The following AAAS variants were observed in gnomAD, a reference collection of about 807,000 sequenced individuals.
AAAS encodes aladin.
Under a neutral mutation model 75.6 loss-of-function variants are expected in AAAS, and 60 were observed. The ratio of observed to expected loss-of-function variants is 0.79; its 90% CI spans 0.64 to 0.98. The LOEUF is 0.98. Among genes scored for constraint, AAAS ranks in the 50% least tolerant of loss-of-function variants. AAAS has a pLI of 0.00. For missense variants in AAAS, 658 were observed against 686.9 expected (o/e 0.96, Z 0.47); for synonymous variants, 271 against 265.0 (o/e 1.02, Z -0.22).
intron 7 of AAAS, 91 bp from the exon 8 acceptor site, chr12:53,309,812 T>C (rs1944358109): frequency 1.9e-6 from 3 of 1,550,026 alleles, no homozygotes; most frequent in Non-Finnish European, 2.6e-6. Flanking sequence ...AAACCTCCTA[T>C]CCTGATGGCC....
intron 2 of AAAS, among the ~76,000 whole-genome samples, chr12:53,316,694 G>A (rs1403282242): frequency 6.7e-6 from 1 of 148,236 alleles, no homozygotes; most frequent in East Asian, 2.0e-4. Flanking sequence ...CCGGGAGGTG[G>A]CGATTGCAGT....
Position 53,320,569 on chromosome 12 carries a change from T to C in AAAS, c.247A>G (p.Ile83Val). 6.2e-7 allele frequency: 1 copy of C among 1,613,884 alleles called. No individual in the cohort carries two copies. The highest frequency in any genetic ancestry group is 8.5e-7 in the Non-Finnish European group (1 of 1,179,982). ...REQVWKRCIN[I>V]WRDVGLFGVL... The stretch of plus-strand genomic sequence containing the variant: ...AAACCCTTTGCCATGCCTCACCAAA[T>C]GTTGATGCATCTCTTCCACACTTGC... The change falls in exon 2 of 16, where the codon ATT becomes GTT. Residue 83 changes from isoleucine to valine, a missense_variant. Coordinates refer to ENST00000209873, the MANE Select transcript of AAAS (RefSeq NM_015665.6).
chr12:53,308,543 G>A lies in AAAS; in HGVS notation c.1088-15C>T, dbSNP rs765180773. The stretch of plus-strand genomic sequence containing the variant: ...CTTTCCCTCACCTGTGGACAAATAA[G>A]AGCAGAGAGGTTCTTGCAAGAAACA... On this transcript the variant is annotated splice_polypyrimidine_tract_variant and intron_variant, in intron 11 of 15. Transcript: ENST00000209873. 1 of 1,614,038 alleles carries A rather than the reference G, an allele frequency of 6.2e-7. No individual in the cohort carries two copies. Among genetic ancestry groups the A allele is most frequent in the African/African-American group, 1.3e-5 (1 of 75,028 alleles).
At chr12:53,308,889 G>C in intron 10 of AAAS, 71 bp downstream of exon 10, 1 of 1,613,244 alleles carries the variant, frequency 6.2e-7, no homozygotes, top group South Asian at 1.1e-5. Context: ...GAGGTGGCCA[G>C]GTTTGGGAGC....
At chr12:53,320,512 C>A in intron 2 of AAAS, 53 bp downstream of exon 2, 1 of 1,612,026 alleles carries the variant, frequency 6.2e-7, no homozygotes, top group South Asian at 1.1e-5. Flanking sequence ...GGTGTTGACT[C>A]ATTTTCCAGG....
Position 53,315,578 on chromosome 12 carries a change from A to G in AAAS, c.307+149T>C. On this transcript the variant is annotated intron_variant, in intron 3 of 15. Coordinates refer to ENST00000209873, the MANE Select transcript of AAAS (RefSeq NM_015665.6). ...CACACTCTGGACACCCACTCTGGAC[A>G]CCCACTCTGGGTTATTTGGGTAGGT... is the stretch of plus-strand genomic sequence containing the variant. 3 of 1,218,674 alleles carry G rather than the reference A, an allele frequency of 2.5e-6. No individual in the cohort carries two copies. The South Asian group carries it at 3.9e-5, about 16-fold the overall frequency. The allele number at this position is 1,218,674 out of a possible 1,614,324, so 75.5% of individuals were successfully genotyped here. A position where few individuals can be genotyped will look rare whatever the true frequency, so the allele number is the denominator to read the frequency against.
intron 1 of AAAS, chr12:53,321,101 A>T: frequency 1.6e-6 from 1 of 609,330 alleles, no homozygotes; most frequent in Non-Finnish European, 2.8e-6. Context: ...CACACTCCCT[A>T]GATTCTCCCT....
intron 7 of AAAS, among the ~76,000 whole-genome samples, chr12:53,311,565 G>A (rs1944388839): frequency 6.6e-6 from 1 of 152,116 alleles, no homozygotes; most frequent in Non-Finnish European, 1.5e-5. Context: ...GATTGAGTCT[G>A]TGAATAGCCA....
In AAAS at chr12:53,321,360, G is replaced by A. The variant is rs570362394; in HGVS notation, c.106C>T (p.Pro36Ser). The change falls in exon 1 of 16, where the codon CCC becomes TCC. Residue 36 changes from proline to serine, a missense_variant. Coordinates refer to ENST00000209873, the MANE Select transcript of AAAS (RefSeq NM_015665.6). ...VTGSSYESPP[P>S]DFRGQWINLP... is the part of the protein sequence containing the mutation. Reference sequence around the variant, plus strand: ...CTGGCCACCTGGCCCCGGAAGTCGGGGGGCGGGCTCTCATAGCTACTGCCC... The same window carrying A: ...CTGGCCACCTGGCCCCGGAAGTCGGAGGGCGGGCTCTCATAGCTACTGCCC... 5.2e-5 allele frequency: 84 copies of A among 1,613,902 alleles called. No individual in the cohort carries two copies. Among genetic ancestry groups the A allele is most frequent in the Middle Eastern group, 1.7e-4 (1 of 6,060 alleles).
At position 53,320,682 on chromosome 12, in the gene AAAS, A is replaced by G. The variant is rs1565784761; in HGVS notation, c.134T>C (p.Leu45Pro). The change falls in exon 2 of 16, where the codon CTT becomes CCT. Residue 45 changes from leucine to proline, a missense_variant. Coordinates refer to ENST00000209873, the MANE Select transcript of AAAS (RefSeq NM_015665.6). ...ATCCTTTGTCAGTTGTAGGACAGGAAGATTGATCCACTATAGCACAAAAGT... is the reference window on the plus strand; with the variant it reads ...ATCCTTTGTCAGTTGTAGGACAGGAGGATTGATCCACTATAGCACAAAAGT... ...PPDFRGQWIN[L>P]PVLQLTKDPL... The G allele has an allele frequency of 1.9e-6, 3 of 1,614,102 alleles. No individual in the cohort carries two copies. The highest frequency in any genetic ancestry group is 3.3e-4 in the Middle Eastern group (2 of 6,062).
Position 53,307,475 on chromosome 12 carries a change from A to AAAC in AAAS, c.*11_*13dup. 3 of 1,605,086 alleles carry AAAC rather than the reference A, an allele frequency of 1.9e-6. No individual in the cohort carries two copies. The highest frequency in any genetic ancestry group is 2.6e-6 in the Non-Finnish European group (3 of 1,173,504). On this transcript the variant is annotated 3_prime_UTR_variant, in exon 16 of 16. Transcript: ENST00000209873. ...GGTAACTGAGTGGAAAACAAAAGGAAAACTTATTTATTCTTAGAGGTGGGA... is the reference window on the plus strand; with the variant it reads ...GGTAACTGAGTGGAAAACAAAAGGAAAACAACTTATTTATTCTTAGAGGTGGGA...
rs1040729256 is a variant in AAAS, at chr12:53,315,384, A to G, written c.350T>C (p.Leu117Pro). The G allele has an allele frequency of 6.2e-7, 1 of 1,614,074 alleles. No homozygotes were observed. Reference sequence around the variant, plus strand: ...ATGGAGGGAAGAGGCCCATCGACAGAGTGCCAGGGCCCAGCCGGATGCCGT... The same window carrying G: ...ATGGAGGGAAGAGGCCCATCGACAGGGTGCCAGGGCCCAGCCGGATGCCGT... ...VKTASGWALA[L>P]CRWASSLHGS... The change falls in exon 4 of 16, where the codon CTC becomes CCC. Residue 117 changes from leucine to proline, a missense_variant. By Grantham distance (98) the Leu-to-Pro change is moderately conservative. Transcript: ENST00000209873.
intron 7 of AAAS, among the ~76,000 whole-genome samples, chr12:53,312,565 CAA>C (rs34316735): frequency 6.9e-6 from 1 of 144,516 alleles, no homozygotes. Flanking sequence ...AACTCCTTCT[CAA>C]AAAAAAAAAA....
chr12:53,314,985 G>A, intron 5 of AAAS, 109 bp downstream of exon 5: 1 of 1,490,838 alleles, frequency 6.7e-7, no homozygotes, highest in Non-Finnish European at 9.3e-7. Context: ...GGAGGAATGA[G>A]AATATGGTGA....
intron 7 of AAAS, among the ~76,000 whole-genome samples, chr12:53,312,527 T>C (rs1302968981): frequency 6.7e-6 from 1 of 149,514 alleles, no homozygotes; most frequent in Admixed American, 6.7e-5. Context: ...ATCGTGCCAC[T>C]GCACTCCAGC....
chr12:53,321,480 G>A lies in AAAS; in HGVS notation c.-15C>T. The A allele has an allele frequency of 1.2e-6, 2 of 1,613,884 alleles. No homozygotes were observed. Reference sequence around the variant, plus strand: ...AGAGAGCACATCTTGCCGGTTCGCAGGACGTCTGCAGTCGGCAAACTCCTG... The same window carrying A: ...AGAGAGCACATCTTGCCGGTTCGCAAGACGTCTGCAGTCGGCAAACTCCTG... On this transcript the variant is annotated 5_prime_UTR_variant, in exon 1 of 16. Transcript: ENST00000209873.
chr12:53,312,743 T>C (rs1325265537), intron 7 of AAAS, among the ~76,000 whole-genome samples: 1 of 150,986 alleles, frequency 6.6e-6, no homozygotes, highest in African/African-American at 2.4e-5. Flanking sequence ...AGAGGTTTTC[T>C]TCTTTATTCA....
At position 53,321,592 on chromosome 12, in the gene AAAS, G is replaced by A. The variant is rs1944559825; in HGVS notation, c.-127C>T. On this transcript the variant is annotated 5_prime_UTR_variant, in exon 1 of 16. Transcript: ENST00000209873. Reference sequence around the variant, plus strand: ...GGGTACCGCAAGGGACAAACGGCGAGGCGGAACTCAACGGAAGTGAAGAAA... The same window carrying A: ...GGGTACCGCAAGGGACAAACGGCGAAGCGGAACTCAACGGAAGTGAAGAAA... 5.9e-6 allele frequency: 9 copies of A among 1,522,374 alleles called. No homozygotes were observed. Among genetic ancestry groups the A allele is most frequent in the Non-Finnish European group, 8.1e-6 (9 of 1,110,724 alleles). 94.3% of individuals were successfully genotyped at this position (1,522,374 alleles called of 1,614,324 possible).
rs1270268477 is a variant in AAAS at position 53,314,394 on chromosome 12, G to C, written c.593C>G (p.Ser198Cys). The change falls in exon 7 of 16, where the codon TCT (serine) becomes TGT (cysteine). Residue 198 changes from serine (S) to cysteine (C), a missense_variant. Coordinates refer to ENST00000209873, the MANE Select transcript of AAAS (RefSeq NM_015665.6). The stretch of plus-strand genomic sequence containing the variant: ...GGCACTAAGGGGCTTCCAGGCCAGA[G>C]ACGCCACATTTCGCTGCAGCCGGTG... ...LKHRLQRNVA[S>C]LAWKPLSASV... The C allele has an allele frequency of 1.9e-6, 3 of 1,614,066 alleles. No individual in the cohort carries two copies. The highest frequency in any genetic ancestry group is 3.3e-5 in the Admixed American group (2 of 59,998).
Sources: allele counts gnomAD v4.1 joint callset (sites outside exome capture counted in the v4.1 genomes callset), GRCh38; gene constraint gnomAD v4.1.1; transcripts MANE v1.5; gene names NCBI Gene and HGNC (gene_info 2026-07-23, HGNC 2026-07-21).